HOMER1: variants seen among roughly 807,000 people sequenced by gnomAD.
HOMER1 encodes homer protein homolog 1.
In HOMER1, 3 loss-of-function variants were observed where a neutral mutation model predicts 48.9. The observed-to-expected ratio is 0.06, with a 90% CI of 0.03 to 0.16. The LOEUF is 0.16. HOMER1 is among the 10% of genes least tolerant of loss of function. HOMER1 has a pLI of 1.00. For missense variants in HOMER1, 247 were observed against 411.4 expected (o/e 0.60, Z 3.46); for synonymous variants, 134 against 146.4 (o/e 0.92, Z 0.61).
At chr5:79,409,926 T>C (rs1749770805) in intron 5 of HOMER1, among the ~76,000 whole-genome samples, 1 of 152,186 alleles carries the variant, frequency 6.6e-6, no homozygotes, top group Non-Finnish European at 1.5e-5. Flanking sequence ...GGTAGGAATG[T>C]AAAATGGTGT....
At chr5:79,392,291 T>C (rs1265101937) in intron 8 of HOMER1, among the ~76,000 whole-genome samples, 1 of 152,152 alleles carries the variant, frequency 6.6e-6, no homozygotes, top group East Asian at 1.9e-4. Flanking sequence ...TCATAGGAGA[T>C]GACAGCTCCA....
chr5:79,492,815 T>C (rs1752318960), intron 1 of HOMER1, among the ~76,000 whole-genome samples: 1 of 151,590 alleles, frequency 6.6e-6, no homozygotes, highest in Non-Finnish European at 1.5e-5. Flanking sequence ...AAGTGATACG[T>C]ATATTAAAAT....
In HOMER1 at chr5:79,375,746, T is replaced by C. The variant is rs961916585; in HGVS notation, c.*263A>G. The C allele has an allele frequency of 5.0e-5, 15 of 301,928 alleles. No individual in the cohort carries two copies. Among genetic ancestry groups the C allele is most frequent in the African/African-American group, 2.8e-4 (13 of 46,550 alleles). 18.7% of individuals were successfully genotyped at this position (301,928 alleles called of 1,614,324 possible). A position where few individuals can be genotyped will look rare whatever the true frequency, so the allele number is the denominator to read the frequency against. On this transcript the variant is annotated 3_prime_UTR_variant, in exon 9 of 9. Coordinates refer to ENST00000334082, the MANE Select transcript of HOMER1 (RefSeq NM_004272.5). Reference sequence around the variant, plus strand: ...ATTGCATTAAGTGTCTATTTATAACTTTCTAGTTAACTATGGCCAATAATA... The same window carrying C: ...ATTGCATTAAGTGTCTATTTATAACCTTCTAGTTAACTATGGCCAATAATA...
At chr5:79,469,969 G>T (rs1012566020) in intron 1 of HOMER1, among the ~76,000 whole-genome samples, 2 of 152,094 alleles carry the variant, frequency 1.3e-5, no homozygotes, top group Admixed American at 6.5e-5. Flanking sequence ...CAGTCACCAT[G>T]GCATCATAGA....
chr5:79,499,633 A>G (rs535031698), intron 1 of HOMER1, among the ~76,000 whole-genome samples: 2 of 152,358 alleles, frequency 1.3e-5, no homozygotes, highest in African/African-American at 4.8e-5. Context: ...ACCATAAAAT[A>G]ATACACAAAT....
chr5:79,462,738 T>G (rs909798921), intron 1 of HOMER1, among the ~76,000 whole-genome samples: 1 of 152,206 alleles, frequency 6.6e-6, no homozygotes, highest in African/African-American at 2.4e-5. Context: ...GCTCTGATTT[T>G]TAAAAATCAA....
chr5:79,433,320 G>C (rs74980695), intron 5 of HOMER1, among the ~76,000 whole-genome samples: 24 of 152,216 alleles, frequency 1.6e-4, no homozygotes, highest in African/African-American at 5.1e-4. Context: ...ATCTCCTTTG[G>C]GGGGCCGAGG....
intron 5 of HOMER1, among the ~76,000 whole-genome samples, chr5:79,407,999 T>C (rs1211988027): frequency 6.6e-6 from 1 of 152,216 alleles, no homozygotes; most frequent in African/African-American, 2.4e-5. Flanking sequence ...TTACAGTATA[T>C]TCCTATAATT....
At chr5:79,414,265 GT>G (rs34592197) in intron 5 of HOMER1, among the ~76,000 whole-genome samples, 69,854 of 148,294 alleles carry the variant, frequency 0.47, 19,011 homozygotes, top group African/African-American at 0.75. Context: ...TTTTGTTTTT[GT>G]TTTTTTTTTG....
In HOMER1 at chr5:79,397,427, C is replaced by CAAG. The variant is rs1749416734; in HGVS notation, c.795+99_795+100insCTT. 12 of 782,366 alleles carry CAAG rather than the reference C, an allele frequency of 1.5e-5. No individual in the cohort carries two copies. The South Asian group carries it at 1.9e-4, about 13-fold the overall frequency. 48.5% of individuals were successfully genotyped at this position (782,366 alleles called of 1,614,324 possible). Reference sequence around the variant, plus strand: ...TTCATCCTAAAAAAGAGGTCACAACCTGACTTTATTCCATAAAATACTTTT... The same window carrying CAAG: ...TTCATCCTAAAAAAGAGGTCACAACCAAGTGACTTTATTCCATAAAATACTTTT... On this transcript the variant is annotated intron_variant, in intron 7 of 8. Transcript: ENST00000334082.
intron 1 of HOMER1, among the ~76,000 whole-genome samples, chr5:79,482,981 C>A (rs1024770412): frequency 6.6e-6 from 1 of 151,992 alleles, no homozygotes; most frequent in Non-Finnish European, 1.5e-5. Context: ...CCAGCCTCGA[C>A]AACAGGTCAA....
intron 1 of HOMER1, among the ~76,000 whole-genome samples, chr5:79,477,760 A>G (rs1751824501): frequency 6.6e-6 from 1 of 152,248 alleles, no homozygotes. Flanking sequence ...CCACCTTTAA[A>G]TTGTAATAAA....
intron 1 of HOMER1, among the ~76,000 whole-genome samples, chr5:79,476,578 T>C (rs1342810487): frequency 1.3e-5 from 2 of 152,290 alleles, no homozygotes; most frequent in South Asian, 2.1e-4. Context: ...TTTGCTGGAA[T>C]AGCTCATAGA....
intron 5 of HOMER1, among the ~76,000 whole-genome samples, chr5:79,434,985 T>G (rs947414831): frequency 2.0e-5 from 3 of 152,134 alleles, no homozygotes; most frequent in African/African-American, 7.2e-5. Context: ...AATAACACAG[T>G]GGAGGAGGAC....
At chr5:79,450,030 G>A (rs933991173) in intron 3 of HOMER1, among the ~76,000 whole-genome samples, 4 of 152,092 alleles carry the variant, frequency 2.6e-5, no homozygotes, top group Non-Finnish European at 4.4e-5. Context: ...AAGAAAAACA[G>A]CTTAAAATTT....
chr5:79,438,500 T>C, intron 5 of HOMER1, among the ~76,000 whole-genome samples: 1 of 152,182 alleles, frequency 6.6e-6, no homozygotes, highest in Admixed American at 6.5e-5. Flanking sequence ...GCCATTAACA[T>C]TAACAAACCC....
At chr5:79,451,903 T>C (rs901787909) in intron 2 of HOMER1, among the ~76,000 whole-genome samples, 2 of 152,186 alleles carry the variant, frequency 1.3e-5, no homozygotes, top group African/African-American at 4.8e-5. Flanking sequence ...TTCTTCAAGC[T>C]GATTTACCTG....
chr5:79,488,952 C>G (rs1413528561), intron 1 of HOMER1, among the ~76,000 whole-genome samples: 1 of 152,192 alleles, frequency 6.6e-6, no homozygotes, highest in Non-Finnish European at 1.5e-5. Context: ...AAATAGATTC[C>G]TGTGGTTTCA....
At chr5:79,502,776 T>TA (rs1478442189) in intron 1 of HOMER1, among the ~76,000 whole-genome samples, 4 of 152,180 alleles carry the variant, frequency 2.6e-5, no homozygotes, top group African/African-American at 9.7e-5. Flanking sequence ...CCATGCTCAG[T>TA]AAAAAATCTG....
Sources: allele counts gnomAD v4.1 joint callset (sites outside exome capture counted in the v4.1 genomes callset), GRCh38; gene constraint gnomAD v4.1.1; transcripts MANE v1.5; gene names NCBI Gene and HGNC (gene_info 2026-07-23, HGNC 2026-07-21).